GOLGA4: variants seen among roughly 807,000 people sequenced by gnomAD.
The protein encoded by GOLGA4 is golgin subfamily A member 4.
A neutral mutation model predicts 265.9 loss-of-function variants in GOLGA4; 169 were observed. The observed-to-expected ratio is 0.64, with a 90% confidence interval of 0.56 to 0.72. The LOEUF is 0.72. Ranked by LOEUF, GOLGA4 falls within the 30% of genes least tolerant of loss-of-function variation. The probability of loss-of-function intolerance (pLI) is 0.00; values close to 1 mark genes in which losing one functional copy is unlikely to be tolerated. For missense variants in GOLGA4, 2,482 were observed against 2,483.4 expected (o/e 1.00, Z 0.01); for synonymous variants, 923 against 855.8 (o/e 1.08, Z -1.37).
intron 4 of GOLGA4, among the ~76,000 whole-genome samples, chr3:37,288,342 C>T (rs1272404429): frequency 1.3e-5 from 2 of 151,882 alleles, no homozygotes; most frequent in East Asian, 3.9e-4. Flanking sequence ...AACTCCTGAC[C>T]TGGTGATCCG....
chr3:37,249,906 T>C (rs573076104), intron 1 of GOLGA4: 15 of 152,230 alleles, frequency 9.9e-5, no homozygotes, highest in Non-Finnish European at 1.9e-4. Flanking sequence ...TCACAGCTTA[T>C]ATTTGTGTGG....
intron 20 of GOLGA4, among the ~76,000 whole-genome samples, chr3:37,343,787 T>C (rs1444363061): frequency 1.3e-5 from 2 of 152,198 alleles, no homozygotes; most frequent in African/African-American, 4.8e-5. Context: ...GCATGGACAA[T>C]AGTACTTCAT....
At chr3:37,354,529 T>C (rs1220855298) in intron 21 of GOLGA4, among the ~76,000 whole-genome samples, 1 of 152,060 alleles carries the variant, frequency 6.6e-6, no homozygotes, top group Non-Finnish European at 1.5e-5. Context: ...TTGCAAGCCA[T>C]GTGTAATGTT....
intron 7 of GOLGA4, among the ~76,000 whole-genome samples, chr3:37,297,507 G>A (rs1232013462): frequency 6.6e-6 from 1 of 152,230 alleles, no homozygotes; most frequent in Admixed American, 6.5e-5. Flanking sequence ...AATAACAAAA[G>A]ATGATTATCA....
At chr3:37,263,119 T>C (rs1182394539) in intron 2 of GOLGA4, among the ~76,000 whole-genome samples, 6 of 152,244 alleles carry the variant, frequency 3.9e-5, no homozygotes, top group African/African-American at 1.4e-4. Flanking sequence ...GTAGTTTTAC[T>C]ATGCTTATTC....
At chr3:37,298,762 C>G in intron 7 of GOLGA4, 71 bp from the exon 8 acceptor site, 1 of 988,486 alleles carries the variant, frequency 1.0e-6, no homozygotes. Flanking sequence ...TTGACTGTCT[C>G]AGTCATAATT....
chr3:37,340,430 C>T (rs1469455210), intron 20 of GOLGA4, among the ~76,000 whole-genome samples: 2 of 151,980 alleles, frequency 1.3e-5, no homozygotes, highest in African/African-American at 4.8e-5. Context: ...GACATACTAC[C>T]TTTTTTGTGT....
At chr3:37,320,307 T>C (rs964053640) in intron 12 of GOLGA4, 1 of 152,222 alleles carries the variant, frequency 6.6e-6, no homozygotes, top group Non-Finnish European at 1.5e-5. Context: ...TATGAAATTA[T>C]TATCCGTAAG....
At chr3:37,245,297 T>A (rs2096716002) in intron 1 of GOLGA4, 2 of 152,618 alleles carry the variant, frequency 1.3e-5, no homozygotes, top group South Asian at 4.1e-4. Context: ...AATTCCTCTT[T>A]TATAGATGAA....
intron 1 of GOLGA4, chr3:37,250,128 A>C (rs1323133651): frequency 6.6e-6 from 1 of 152,218 alleles, no homozygotes; most frequent in Non-Finnish European, 1.5e-5. Context: ...AAAGGTTATT[A>C]AACTTTTGTC....
intron 3 of GOLGA4, 104 bp downstream of exon 3, chr3:37,282,376 T>C: frequency 1.3e-6 from 1 of 792,950 alleles, no homozygotes; most frequent in Non-Finnish European, 2.1e-6. Flanking sequence ...CTGTTAATTC[T>C]CTGGATATAT....
At chr3:37,314,358 T>G (rs1041399390) in intron 10 of GOLGA4, among the ~76,000 whole-genome samples, 7 of 152,076 alleles carry the variant, frequency 4.6e-5, no homozygotes, top group Non-Finnish European at 1.0e-4. Flanking sequence ...CTTAAAGACC[T>G]GGCCAGATGC....
chr3:37,346,138 T>C (rs1384421745), intron 20 of GOLGA4, among the ~76,000 whole-genome samples: 3 of 152,166 alleles, frequency 2.0e-5, no homozygotes, highest in Non-Finnish European at 4.4e-5. Context: ...CAAAGTATAA[T>C]TTGAGTGAGT....
At chr3:37,267,170 A>C (rs763313983) in intron 2 of GOLGA4, among the ~76,000 whole-genome samples, 1 of 152,208 alleles carries the variant, frequency 6.6e-6, no homozygotes, top group Non-Finnish European at 1.5e-5. Flanking sequence ...GTTTTCGCTA[A>C]TGTAGCTACT....
intron 9 of GOLGA4, among the ~76,000 whole-genome samples, chr3:37,301,889 A>G (rs2096893727): frequency 1.3e-5 from 2 of 152,112 alleles, no homozygotes; most frequent in African/African-American, 2.4e-5. Context: ...CCTGGGTTCA[A>G]GCAATTCTCC....
At chr3:37,243,715 G>A in intron 1 of GOLGA4, 93 bp downstream of exon 1, 1 of 1,079,730 alleles carries the variant, frequency 9.3e-7, no homozygotes, top group Non-Finnish European at 1.4e-6. Flanking sequence ...AAGTTCTTCC[G>A]TGACCTTTAA....
chr3:37,350,958 A>G (rs2097072143), intron 21 of GOLGA4, among the ~76,000 whole-genome samples: 1 of 152,070 alleles, frequency 6.6e-6, no homozygotes, highest in African/African-American at 2.4e-5. Context: ...GTGGTTGCTG[A>G]AGGTTGGGGT....
At chr3:37,334,725 A>G (rs1272191762) in intron 16 of GOLGA4, among the ~76,000 whole-genome samples, 1 of 152,118 alleles carries the variant, frequency 6.6e-6, no homozygotes, top group African/African-American at 2.4e-5. Flanking sequence ...AAACCTGGGA[A>G]CCCTAGTTTA....
intron 2 of GOLGA4, among the ~76,000 whole-genome samples, chr3:37,271,070 A>C (rs777635913): frequency 6.6e-6 from 1 of 152,074 alleles, no homozygotes; most frequent in Non-Finnish European, 1.5e-5. Flanking sequence ...ATGAATATCT[A>C]ATGTCACCAC....
Sources: gnomAD v4.1 joint callset for allele counts (sites outside exome capture counted in the v4.1 genomes callset) on GRCh38, gnomAD v4.1.1 for gene constraint, MANE v1.5 for transcripts, NCBI Gene and HGNC (gene_info 2026-07-23, HGNC 2026-07-21) for gene names.